The following GPC6 variants were observed in gnomAD, a reference collection of about 807,000 sequenced individuals.
The protein encoded by GPC6 is glypican 6.
In GPC6, 14 loss-of-function variants were observed where a neutral mutation model predicts 55.2. That is an observed-to-expected ratio of 0.25 (90% CI 0.17 to 0.40). The LOEUF is 0.40. Among genes scored for constraint, GPC6 ranks in the 10% least tolerant of loss-of-function variants. The probability of loss-of-function intolerance (pLI) is 1.00; values close to 1 mark genes in which losing one functional copy is unlikely to be tolerated. For missense variants in GPC6, 641 were observed against 708.5 expected (o/e 0.90, Z 1.08); for synonymous variants, 278 against 259.6 (o/e 1.07, Z -0.68).
intron 4 of GPC6, among the ~76,000 whole-genome samples, chr13:94,194,335 T>C (rs1412081260): frequency 6.6e-6 from 1 of 152,170 alleles, no homozygotes; most frequent in Non-Finnish European, 1.5e-5. Flanking sequence ...TTATCTGAAA[T>C]TCAAATTTAA....
At chr13:94,299,832 C>CA (rs1392268611) in intron 5 of GPC6, among the ~76,000 whole-genome samples, 49 of 152,272 alleles carry the variant, frequency 3.2e-4, no homozygotes, top group African/African-American at 1.2e-3. Flanking sequence ...AATGGCTGCA[C>CA]CTGGACAAAT....
intron 3 of GPC6, among the ~76,000 whole-genome samples, chr13:93,966,988 G>A (rs1487968670): frequency 2.0e-5 from 3 of 152,082 alleles, no homozygotes; most frequent in Admixed American, 6.6e-5. Flanking sequence ...TAGACTGAAG[G>A]TGATGTCATA....
chr13:94,302,147 G>A (rs1875683591), intron 5 of GPC6, among the ~76,000 whole-genome samples: 1 of 152,186 alleles, frequency 6.6e-6, no homozygotes, highest in African/African-American at 2.4e-5. Context: ...TTGCTTCTTA[G>A]TCTGCTCAGG....
At chr13:94,347,302 AAATT>A (rs1263436450) in intron 6 of GPC6, among the ~76,000 whole-genome samples, 1 of 152,204 alleles carries the variant, frequency 6.6e-6, no homozygotes, top group African/African-American at 2.4e-5. Flanking sequence ...GATTGGAAAT[AAATT>A]AAGTGACAAA....
chr13:93,468,342 C>G (rs1411553220), intron 1 of GPC6, among the ~76,000 whole-genome samples: 7 of 152,166 alleles, frequency 4.6e-5, no homozygotes, highest in Admixed American at 1.3e-4. Context: ...AGTTTCTCCA[C>G]TTATCCCTAT....
intron 2 of GPC6, among the ~76,000 whole-genome samples, chr13:93,766,127 C>G (rs984197555): frequency 2.6e-5 from 4 of 152,140 alleles, no homozygotes; most frequent in African/African-American, 9.7e-5. Context: ...AGGTCTTAAT[C>G]AGTACAGATT....
intron 6 of GPC6, among the ~76,000 whole-genome samples, chr13:94,346,631 G>T (rs1349268373): frequency 6.6e-6 from 1 of 150,970 alleles, no homozygotes; most frequent in Non-Finnish European, 1.5e-5. Flanking sequence ...CTGAGGCAGG[G>T]AATTGCTTGA....
intron 2 of GPC6, among the ~76,000 whole-genome samples, chr13:93,742,512 T>G (rs1594418036): frequency 6.6e-6 from 1 of 152,322 alleles, no homozygotes; most frequent in South Asian, 2.1e-4. Context: ...TTGATAGCCT[T>G]GTGAACAAGA....
At chr13:94,093,633 A>G (rs1304721042) in intron 4 of GPC6, among the ~76,000 whole-genome samples, 4 of 152,066 alleles carry the variant, frequency 2.6e-5, no homozygotes, top group Non-Finnish European at 5.9e-5. Context: ...CTATTTCTGT[A>G]TAAAAATGTC....
At chr13:93,492,273 C>T (rs1226981124) in intron 1 of GPC6, among the ~76,000 whole-genome samples, 2 of 144,008 alleles carry the variant, frequency 1.4e-5, no homozygotes, top group Non-Finnish European at 1.5e-5. Flanking sequence ...ATTTAATTCT[C>T]TTTGAAGCAA....
At chr13:93,897,257 A>G (rs1460975934) in intron 3 of GPC6, among the ~76,000 whole-genome samples, 3 of 151,972 alleles carry the variant, frequency 2.0e-5, no homozygotes, top group Non-Finnish European at 4.4e-5. Context: ...TACCCAATAG[A>G]TCAGTAAGGT....
intron 5 of GPC6, among the ~76,000 whole-genome samples, chr13:94,288,897 A>ATT: frequency 7.7e-6 from 1 of 129,358 alleles, no homozygotes; most frequent in Non-Finnish European, 1.7e-5. Context: ...TATATATAAC[A>ATT]AATATATATA....
At chr13:93,909,705 A>G (rs189666406) in intron 3 of GPC6, among the ~76,000 whole-genome samples, 19 of 103,692 alleles carry the variant, frequency 1.8e-4, no homozygotes, top group Non-Finnish European at 2.9e-4. Context: ...GAATGGAAGC[A>G]GAAGGATTTT....
intron 3 of GPC6, among the ~76,000 whole-genome samples, chr13:93,878,964 G>A (rs1188380705): frequency 1.3e-5 from 2 of 152,082 alleles, no homozygotes; most frequent in African/African-American, 4.8e-5. Flanking sequence ...TCAAAGGAGA[G>A]AAGGAAGAAA....
chr13:93,241,829 GTT>G (rs36078461), intron 1 of GPC6, among the ~76,000 whole-genome samples: 1 of 148,834 alleles, frequency 6.7e-6, no homozygotes. Flanking sequence ...ACTGAACTGG[GTT>G]TTTTTTTTCT....
chr13:93,994,655 A>G (rs1411506150), intron 3 of GPC6, among the ~76,000 whole-genome samples: 2 of 152,174 alleles, frequency 1.3e-5, no homozygotes, highest in Admixed American at 6.6e-5. Flanking sequence ...GACTGAAGAT[A>G]GTGGTTCTGT....
chr13:93,949,570 T>G (rs1879162405), intron 3 of GPC6, among the ~76,000 whole-genome samples: 1 of 152,200 alleles, frequency 6.6e-6, no homozygotes, highest in Non-Finnish European at 1.5e-5. Flanking sequence ...TTAACCTGAC[T>G]TAATCATTAG....
At chr13:93,249,405 T>A (rs1010549737) in intron 1 of GPC6, among the ~76,000 whole-genome samples, 14 of 152,256 alleles carry the variant, frequency 9.2e-5, no homozygotes, top group African/African-American at 3.4e-4. Flanking sequence ...TTTCTGTTGT[T>A]CTGAGTGTTT....
chr13:93,716,491 AC>A (rs1269296552), intron 2 of GPC6, among the ~76,000 whole-genome samples: 1 of 151,636 alleles, frequency 6.6e-6, no homozygotes, highest in East Asian at 2.0e-4. Context: ...TTTAACAAAA[AC>A]AAAATTAAAA....
Sources: gnomAD v4.1 joint callset for allele counts (sites outside exome capture counted in the v4.1 genomes callset) on GRCh38, gnomAD v4.1.1 for gene constraint, MANE v1.5 for transcripts, NCBI Gene and HGNC (gene_info 2026-07-23, HGNC 2026-07-21) for gene names.